The following NAMPT variants were observed in gnomAD, a reference collection of about 807,000 sequenced individuals.
NAMPT encodes NAmPRTase.
A neutral mutation model predicts 58.7 loss-of-function variants in NAMPT; 7 were observed. The observed-to-expected ratio is 0.12, with a 90% CI of 0.07 to 0.22. The LOEUF (loss-of-function observed/expected upper bound fraction) is 0.22, where lower values mean the gene tolerates loss of function less well. Ranked by LOEUF, NAMPT falls within the 10% of genes least tolerant of loss-of-function variation. The pLI, the probability that NAMPT is intolerant of heterozygous loss-of-function variation, is 1.00. For missense variants in NAMPT, 271 were observed against 567.9 expected (o/e 0.48, Z 5.31); for synonymous variants, 145 against 198.1 (o/e 0.73, Z 2.25).
At chr7:106,263,111 TTAAAATGGCAATGCTG>T in intron 7 of NAMPT, 1 of 398,618 alleles carries the variant, frequency 2.5e-6, no homozygotes, top group Non-Finnish European at 4.5e-6. Context: ...ATAGGATTAA[TTAAAATGGCAATGCTG>T]TTAATTAATT....
chr7:106,267,267 A>C (rs1182344452), intron 6 of NAMPT, among the ~76,000 whole-genome samples: 1 of 152,220 alleles, frequency 6.6e-6, no homozygotes, highest in Non-Finnish European at 1.5e-5. Flanking sequence ...CCAACAGAGC[A>C]GACTATTACT....
At chr7:106,254,814 T>C (rs1586010982) in intron 8 of NAMPT, among the ~76,000 whole-genome samples, 1 of 152,288 alleles carries the variant, frequency 6.6e-6, no homozygotes, top group African/African-American at 2.4e-5. Flanking sequence ...CTAAGATTAC[T>C]TGAGTCAACT....
chr7:106,263,683 T>C (rs921653167), intron 6 of NAMPT, 66 bp from the exon 7 acceptor site: 3 of 1,192,426 alleles, frequency 2.5e-6, no homozygotes, highest in African/African-American at 3.0e-5. Flanking sequence ...GAATCACCTT[T>C]AATCATATCT....
chr7:106,281,535 T>C (rs945733839), intron 1 of NAMPT, among the ~76,000 whole-genome samples: 21 of 152,124 alleles, frequency 1.4e-4, no homozygotes, highest in African/African-American at 4.6e-4. Flanking sequence ...CTATATAATA[T>C]CTAAGGGCAA....
intron 3 of NAMPT, 73 bp downstream of exon 3, chr7:106,274,853 TCAAAAAACACAAAACAAAAA>T (rs1277137449): frequency 1.9e-5 from 16 of 832,480 alleles, no homozygotes; most frequent in Admixed American, 1.4e-4. Context: ...ACACTTTCTC[TCAAAAAACACAAAACAAAAA>T]CAAATTCCTT....
At chr7:106,284,341 G>A (rs1792822262) in intron 1 of NAMPT, 1 of 149,140 alleles carries the variant, frequency 6.7e-6, no homozygotes, top group Non-Finnish European at 1.5e-5. Context: ...CGCCCCGGGA[G>A]ACTTACCTGC....
chr7:106,269,455 CCTG>C (rs1792489181), intron 4 of NAMPT, 143 bp from the exon 5 acceptor site: 1 of 735,168 alleles, frequency 1.4e-6, no homozygotes, highest in Non-Finnish European at 2.2e-6. Flanking sequence ...CAGCAGGATG[CCTG>C]CTGTGTGCAT....
chr7:106,266,345 G>A (rs557427082), intron 6 of NAMPT, among the ~76,000 whole-genome samples: 17 of 152,182 alleles, frequency 1.1e-4, no homozygotes, highest in African/African-American at 3.1e-4. Flanking sequence ...CTTGTCCTCC[G>A]TATCATGATG....
At chr7:106,253,597 TC>T (rs1367653731) in intron 9 of NAMPT, 1 of 156,134 alleles carries the variant, frequency 6.4e-6, no homozygotes, top group African/African-American at 2.4e-5. Flanking sequence ...GTAAAGGCTT[TC>T]CTATTTCATA....
At chr7:106,281,637 C>G (rs1218336473) in intron 1 of NAMPT, among the ~76,000 whole-genome samples, 1 of 152,194 alleles carries the variant, frequency 6.6e-6, no homozygotes, top group African/African-American at 2.4e-5. Context: ...ATAACCGATT[C>G]TTCTTTTCAG....
At chr7:106,285,509 C>T (rs1329346887), upstream of NAMPT, 2 of 984,084 alleles carry the variant, frequency 2.0e-6, no homozygotes, top group Non-Finnish European at 2.4e-6. Context: ...TCCTACTGCC[C>T]ATCTTCCCGT....
At chr7:106,254,989 G>A (rs1373163599) in intron 8 of NAMPT, among the ~76,000 whole-genome samples, 1 of 152,126 alleles carries the variant, frequency 6.6e-6, no homozygotes, top group Non-Finnish European at 1.5e-5. Flanking sequence ...AAAGATATTG[G>A]TGGCAAAAGA....
chr7:106,254,035 A>G (rs28694382), intron 9 of NAMPT, among the ~76,000 whole-genome samples: 2,330 of 152,128 alleles, frequency 0.015, 73 homozygotes, highest in African/African-American at 0.054. Flanking sequence ...TCTTTAATAT[A>G]TGATGGCTAG....
intron 1 of NAMPT, chr7:106,284,602 C>T (rs1792830893): frequency 6.3e-6 from 2 of 318,710 alleles, no homozygotes; most frequent in African/African-American, 2.3e-5. Context: ...CAGGCCCCGC[C>T]TCCACCGCCC....
chr7:106,269,022 A>G (rs1003792416), intron 5 of NAMPT, 132 bp downstream of exon 5: 2 of 786,694 alleles, frequency 2.5e-6, no homozygotes, highest in East Asian at 2.7e-5. Context: ...TAGGTACTGA[A>G]TATGTATCTG....
chr7:106,251,266 G>A, intron 10 of NAMPT, 73 bp from the exon 11 acceptor site: 1 of 964,198 alleles, frequency 1.0e-6, no homozygotes, highest in Non-Finnish European at 1.7e-6. Context: ...TGATGAATTA[G>A]ACTAACCAAC....
chr7:106,253,351 A>G, intron 9 of NAMPT, 200 bp from the exon 10 acceptor site: 1 of 540,524 alleles, frequency 1.9e-6, no homozygotes, highest in South Asian at 2.3e-5. Flanking sequence ...GTAATAAAGA[A>G]AAAGTATGAC....
intron 4 of NAMPT, among the ~76,000 whole-genome samples, chr7:106,270,903 G>A (rs779162656): frequency 6.6e-6 from 1 of 152,190 alleles, no homozygotes; most frequent in Non-Finnish European, 1.5e-5. Flanking sequence ...TTTTGGGGTA[G>A]TTTGTTACAC....
chr7:106,252,377 A>G (rs1450432389), intron 10 of NAMPT, among the ~76,000 whole-genome samples: 2 of 152,128 alleles, frequency 1.3e-5, no homozygotes, highest in Non-Finnish European at 2.9e-5. Flanking sequence ...TCAAAACCTT[A>G]ATAAATGTAA....
Sources: gnomAD v4.1 joint callset for allele counts (sites outside exome capture counted in the v4.1 genomes callset) on GRCh38, gnomAD v4.1.1 for gene constraint, MANE v1.5 for transcripts, NCBI Gene and HGNC (gene_info 2026-07-23, HGNC 2026-07-21) for gene names.